SLC49A4: variants seen among roughly 807,000 people sequenced by gnomAD.
SLC49A4 encodes solute carrier family 49 member 4, also known as disrupted in renal cancer protein 2.
A neutral mutation model predicts 50.6 loss-of-function variants in SLC49A4; 36 were observed. That is an observed-to-expected ratio of 0.71 (90% confidence interval 0.55 to 0.94). The LOEUF (loss-of-function observed/expected upper bound fraction) is 0.94. Among genes scored for constraint, SLC49A4 ranks in the 40% least tolerant of loss-of-function variants. The pLI, the probability that SLC49A4 is intolerant of heterozygous loss-of-function variation, is 0.00. For missense variants in SLC49A4, 503 were observed against 605.7 expected (o/e 0.83, Z 1.78); for synonymous variants, 248 against 241.2 (o/e 1.03, Z -0.26).
At chr3:122,795,596 C>T (rs1936018698) in intron 1 of SLC49A4, 61 bp downstream of exon 1, 2 of 1,523,400 alleles carry the variant, frequency 1.3e-6, no homozygotes, top group Non-Finnish European at 8.7e-7. Flanking sequence ...CGCCTGCCCG[C>T]GCTCCAGGCC....
chr3:122,872,908 G>T (rs932357240), intron 8 of SLC49A4, among the ~76,000 whole-genome samples: 1 of 151,242 alleles, frequency 6.6e-6, no homozygotes, highest in Admixed American at 6.6e-5. Context: ...ACCCTACCAG[G>T]TGATTCAAAT....
chr3:122,815,308 T>C (rs1270577736), intron 2 of SLC49A4, among the ~76,000 whole-genome samples: 1 of 152,130 alleles, frequency 6.6e-6, no homozygotes, highest in Non-Finnish European at 1.5e-5. Context: ...AGACTTGTCT[T>C]GAACTCCTGG....
Position 122,879,907 on chromosome 3 carries a change from C to A in SLC49A4, c.*529C>A, listed in dbSNP as rs1376039568. Reference sequence around the variant, plus strand: ...TACATTTTTTCTAATAAAGCCATTTCTTATATGACTCCTTATTTTAATCAG... The same window carrying A: ...TACATTTTTTCTAATAAAGCCATTTATTATATGACTCCTTATTTTAATCAG... On this transcript the variant is annotated 3_prime_UTR_variant, in exon 9 of 9. Coordinates refer to ENST00000261038, the MANE Select transcript of SLC49A4 (RefSeq NM_032839.3). The A allele has an allele frequency of 6.5e-6, 1 of 152,780 alleles. No homozygotes were observed. The highest frequency in any genetic ancestry group is 2.4e-5 in the African/African-American group (1 of 41,426). The allele number at this position is 152,780 out of a possible 1,614,324, so 9.5% of individuals were successfully genotyped here. A position where few individuals can be genotyped will look rare whatever the true frequency, so the allele number is the denominator to read the frequency against.
chr3:122,799,469 T>A (rs1453447033), intron 1 of SLC49A4, among the ~76,000 whole-genome samples: 1 of 152,124 alleles, frequency 6.6e-6, no homozygotes, highest in African/African-American at 2.4e-5. Flanking sequence ...AAGGCCTTTG[T>A]GACTGGAGTA....
intron 1 of SLC49A4, among the ~76,000 whole-genome samples, chr3:122,798,063 T>C (rs1246347477): frequency 6.6e-6 from 1 of 152,180 alleles, no homozygotes; most frequent in Non-Finnish European, 1.5e-5. Flanking sequence ...AGAAAAAAGA[T>C]TGTATTTGTT....
intron 3 of SLC49A4, among the ~76,000 whole-genome samples, chr3:122,830,574 T>G (rs1305945693): frequency 2.0e-5 from 3 of 152,218 alleles, no homozygotes; most frequent in Non-Finnish European, 4.4e-5. Flanking sequence ...AGGGAAAAAG[T>G]CTTTTCAGTA....
At chr3:122,847,462 C>T (rs181109752) in intron 5 of SLC49A4, among the ~76,000 whole-genome samples, 2 of 151,792 alleles carry the variant, frequency 1.3e-5, no homozygotes, top group East Asian at 3.9e-4. Context: ...ATTCTTCTGC[C>T]TCAGCCTCCC....
chr3:122,804,933 C>A (rs1185840972), intron 1 of SLC49A4, among the ~76,000 whole-genome samples: 1 of 152,154 alleles, frequency 6.6e-6, no homozygotes, highest in Non-Finnish European at 1.5e-5. Context: ...GGTTATTGGA[C>A]CATATGGCCA....
intron 5 of SLC49A4, among the ~76,000 whole-genome samples, chr3:122,852,250 C>T (rs1936936300): frequency 2.0e-5 from 3 of 152,122 alleles, no homozygotes; most frequent in South Asian, 4.1e-4. Flanking sequence ...CTTTGGCTTC[C>T]CAAAGTGCTG....
intron 8 of SLC49A4, among the ~76,000 whole-genome samples, chr3:122,876,496 A>G (rs946001370): frequency 1.3e-5 from 2 of 152,260 alleles, no homozygotes; most frequent in Non-Finnish European, 2.9e-5. Flanking sequence ...TCTAAGAAGC[A>G]GAATAATGGA....
intron 7 of SLC49A4, among the ~76,000 whole-genome samples, chr3:122,866,712 C>T (rs1053261992): frequency 6.6e-6 from 1 of 152,120 alleles, no homozygotes; most frequent in Non-Finnish European, 1.5e-5. Flanking sequence ...ACCATCCCCC[C>T]CTGCCCCCGA....
At chr3:122,873,764 C>T (rs1171117150) in intron 8 of SLC49A4, among the ~76,000 whole-genome samples, 1 of 152,234 alleles carries the variant, frequency 6.6e-6, no homozygotes, top group East Asian at 1.9e-4. Flanking sequence ...GGGAAAAGTG[C>T]CATCACCAGA....
chr3:122,820,717 C>T (rs945632576), intron 2 of SLC49A4, among the ~76,000 whole-genome samples: 2 of 152,234 alleles, frequency 1.3e-5, no homozygotes, highest in African/African-American at 4.8e-5. Flanking sequence ...CCTCTGTGGG[C>T]AGGGGCACTA....
intron 4 of SLC49A4, among the ~76,000 whole-genome samples, chr3:122,839,428 A>C (rs987656743): frequency 2.0e-5 from 3 of 152,230 alleles, no homozygotes; most frequent in African/African-American, 7.2e-5. Context: ...CAGCAAAAGA[A>C]GTAATCATCA....
At chr3:122,845,688 C>A in intron 4 of SLC49A4, 75 bp from the exon 5 acceptor site, 1 of 467,962 alleles carries the variant, frequency 2.1e-6, no homozygotes, top group Non-Finnish European at 3.1e-6. Flanking sequence ...TTCCAAATGA[C>A]ATACATTTTT....
chr3:122,834,976 A>G (rs1277612390), intron 4 of SLC49A4, among the ~76,000 whole-genome samples: 2 of 152,184 alleles, frequency 1.3e-5, no homozygotes, highest in Admixed American at 1.3e-4. Flanking sequence ...TTCTGGAAAC[A>G]TACAACCCTC....
intron 1 of SLC49A4, among the ~76,000 whole-genome samples, chr3:122,804,321 C>G: frequency 6.6e-6 from 1 of 152,170 alleles, no homozygotes; most frequent in East Asian, 1.9e-4. Flanking sequence ...CCAAGCCATT[C>G]ATGAGGATCT....
intron 2 of SLC49A4, among the ~76,000 whole-genome samples, chr3:122,816,915 TGAG>T (rs1282795364): frequency 2.0e-5 from 3 of 152,260 alleles, no homozygotes; most frequent in African/African-American, 7.2e-5. Context: ...CAGCTATCTG[TGAG>T]GAGCGCTTTT....
chr3:122,819,522 A>G (rs1936421990), intron 2 of SLC49A4, among the ~76,000 whole-genome samples: 1 of 152,152 alleles, frequency 6.6e-6, no homozygotes, highest in African/African-American at 2.4e-5. Flanking sequence ...TGCCTTGACC[A>G]TAGCAGATAC....
Sources: allele counts gnomAD v4.1 joint callset (sites outside exome capture counted in the v4.1 genomes callset), GRCh38; gene constraint gnomAD v4.1.1; transcripts MANE v1.5; gene names NCBI Gene and HGNC (gene_info 2026-07-23, HGNC 2026-07-21).